Variants in PRIM1 observed in about 807,000 individuals in gnomAD.
The protein encoded by PRIM1 is DNA primase subunit 1, also known as DNA primase small subunit.
In PRIM1, 38 loss-of-function variants were observed where a neutral mutation model predicts 60.2. The observed-to-expected ratio is 0.63, with a 90% CI of 0.49 to 0.83. PRIM1 has a LOEUF of 0.83. Among genes scored for constraint, PRIM1 ranks in the 40% least tolerant of loss-of-function variants. The pLI is 0.00. For synonymous variants in PRIM1, 158 were observed against 160.2 expected, an observed-to-expected ratio of 0.99 and a Z score of 0.10; for missense variants, 388 against 506.2, an observed-to-expected ratio of 0.77 and a Z score of 2.24.
At chr12:56,742,488 GA>G (rs1293524024) in intron 7 of PRIM1, among the ~76,000 whole-genome samples, 1 of 151,846 alleles carries the variant, frequency 6.6e-6, no homozygotes, top group African/African-American at 2.4e-5. Flanking sequence ...AGAATTGTTT[GA>G]ACCCGGGAGG....
intron 11 of PRIM1, among the ~76,000 whole-genome samples, chr12:56,734,565 A>G (rs1017511250): frequency 6.8e-6 from 1 of 146,448 alleles, no homozygotes; most frequent in Non-Finnish European, 1.5e-5. Flanking sequence ...ATGCCCAACC[A>G]ATTTTTTTTT....
chr12:56,751,243 C>G (rs1364711861), intron 1 of PRIM1, 48 bp from the exon 2 acceptor site: 1 of 1,342,844 alleles, frequency 7.4e-7, no homozygotes, highest in Non-Finnish European at 9.9e-7. Flanking sequence ...CTTTATTTGG[C>G]TCAGGGCATT....
intron 2 of PRIM1, among the ~76,000 whole-genome samples, chr12:56,750,737 G>A (rs1953944216): frequency 6.6e-6 from 1 of 151,890 alleles, no homozygotes; most frequent in Non-Finnish European, 1.5e-5. Flanking sequence ...TTACAGGCGC[G>A]TACCACCACG....
At chr12:56,748,353 C>G (rs533608888) in intron 2 of PRIM1, among the ~76,000 whole-genome samples, 5 of 152,084 alleles carry the variant, frequency 3.3e-5, no homozygotes, top group Non-Finnish European at 7.4e-5. Flanking sequence ...CAGGGCTGGG[C>G]GCAGTGGCTC....
At chr12:56,738,751 C>T (rs1953851852) in intron 10 of PRIM1, among the ~76,000 whole-genome samples, 1 of 152,160 alleles carries the variant, frequency 6.6e-6, no homozygotes, top group Admixed American at 6.5e-5. Flanking sequence ...AGGGTTTCAC[C>T]ATGTTGGCCA....
intron 11 of PRIM1, among the ~76,000 whole-genome samples, chr12:56,736,719 G>T (rs1009013536): frequency 6.6e-6 from 1 of 152,086 alleles, no homozygotes; most frequent in Non-Finnish European, 1.5e-5. Flanking sequence ...GGCCAGGCTG[G>T]TCCCAAACTC....
At chr12:56,734,052 G>T (rs957507663) in intron 12 of PRIM1, 95 bp downstream of exon 12, 22 of 751,388 alleles carry the variant, frequency 2.9e-5, no homozygotes, top group Middle Eastern at 5.8e-4. Context: ...TGTAAATTTT[G>T]GGAGGAGGGC....
intron 10 of PRIM1, among the ~76,000 whole-genome samples, 161 bp downstream of exon 10, chr12:56,739,133 G>A (rs1953854326): frequency 6.6e-6 from 1 of 152,128 alleles, no homozygotes; most frequent in African/African-American, 2.4e-5. Context: ...ATCTTGTATT[G>A]TTCTATTAGG....
intron 11 of PRIM1, among the ~76,000 whole-genome samples, chr12:56,736,021 G>T (rs1953825748): frequency 6.6e-6 from 1 of 151,516 alleles, no homozygotes; most frequent in Admixed American, 6.6e-5. Flanking sequence ...ATATAGGCAG[G>T]GTGCGGTGGC....
intron 1 of PRIM1, 23 bp downstream of exon 1, chr12:56,752,173 A>T: frequency 6.5e-7 from 1 of 1,531,324 alleles, no homozygotes; most frequent in Admixed American, 1.9e-5. Context: ...TCCGCTCCCG[A>T]ACCCATTCCT....
rs187401722 is a variant in PRIM1, at chr12:56,744,383, C to T, written c.580-260G>A. 3.5e-4 allele frequency among the ~76,000 whole-genome samples: 53 copies of T among 152,096 alleles called. No individual in the cohort carries two copies. In the East Asian group the frequency reaches 9.7e-3, roughly 28 times the overall value. On this transcript the variant is annotated intron_variant, in intron 5 of 12. Coordinates refer to ENST00000338193, the MANE Select transcript of PRIM1 (RefSeq NM_000946.3). ...TGGCGCATGCCTGTAATCCTAGCTACTCGGGAGGCTGAGGCAGGAGAGTCG... is the reference window on the plus strand; with the variant it reads ...TGGCGCATGCCTGTAATCCTAGCTATTCGGGAGGCTGAGGCAGGAGAGTCG...
chr12:56,745,246 TG>T (rs1953898188), intron 5 of PRIM1, among the ~76,000 whole-genome samples: 4 of 152,108 alleles, frequency 2.6e-5, no homozygotes, highest in South Asian at 2.1e-4. Context: ...ACCTTGTTTC[TG>T]CAAAAATTAA....
chr12:56,752,286 C>A lies in PRIM1; in HGVS notation c.13G>T (p.Asp5Tyr). 1 of 1,581,364 alleles carries A rather than the reference C, an allele frequency of 6.3e-7. No individual in the cohort carries two copies. Among genetic ancestry groups the A allele is most frequent in the Non-Finnish European group, 8.6e-7 (1 of 1,163,522 alleles). Reference protein sequence around the residue: METFDPTELPELLKL... With the variant: METFYPTELPELLKL... ...AGCAGCTCGGGCAGCTCGGTGGGGT[C>A]AAACGTCTCCATTGAGCGCGGAACT... The change falls in exon 1 of 13, where the codon GAC (aspartate) becomes TAC (tyrosine). Residue 5 changes from aspartate (D) to tyrosine (Y), a missense_variant. By Grantham distance (160) the Asp-to-Tyr change is radical (BLOSUM62 -3). Transcript: ENST00000338193.
chr12:56,734,340 G>T (rs1045479455), intron 11 of PRIM1, 95 bp from the exon 12 acceptor site: 5 of 699,670 alleles, frequency 7.1e-6, no homozygotes, highest in Non-Finnish European at 9.3e-6. Flanking sequence ...CTCTAGGGCT[G>T]CCCAATTGAA....
At chr12:56,744,844 C>A (rs922300992) in intron 5 of PRIM1, among the ~76,000 whole-genome samples, 3 of 152,094 alleles carry the variant, frequency 2.0e-5, no homozygotes, top group Non-Finnish European at 2.9e-5. Flanking sequence ...GTAATCCCAG[C>A]ACTTTGAGAG....
chr12:56,737,261 C>G (rs577489434), intron 11 of PRIM1, among the ~76,000 whole-genome samples: 176 of 152,256 alleles, frequency 1.2e-3, no homozygotes, highest in Middle Eastern at 0.01. Flanking sequence ...ACTCCTCCCC[C>G]TCTCTTTGCA....
At chr12:56,752,115 G>A (rs1399280432) in intron 1 of PRIM1, 81 bp downstream of exon 1, 7 of 1,013,744 alleles carry the variant, frequency 6.9e-6, no homozygotes, top group African/African-American at 1.6e-5. Context: ...CACAGAAGGC[G>A]CTTCATATTG....
At chr12:56,749,718 A>G (rs1338414250) in intron 2 of PRIM1, among the ~76,000 whole-genome samples, 1 of 152,112 alleles carries the variant, frequency 6.6e-6, no homozygotes, top group Non-Finnish European at 1.5e-5. Context: ...AAACTATTCA[A>G]GTTCTCTGGG....
chr12:56,741,858 A>T (rs1350933214), intron 7 of PRIM1, 21 bp from the exon 8 acceptor site: 1 of 1,599,254 alleles, frequency 6.3e-7, no homozygotes, highest in East Asian at 2.2e-5. Context: ...ATTAAGGAAC[A>T]GACTCATTTA....
Sources: gnomAD v4.1 joint callset for allele counts (sites outside exome capture counted in the v4.1 genomes callset) on GRCh38, gnomAD v4.1.1 for gene constraint, MANE v1.5 for transcripts, NCBI Gene and HGNC (gene_info 2026-07-23, HGNC 2026-07-21) for gene names.